COL24A1: variants seen among roughly 807,000 people sequenced by gnomAD.
COL24A1 encodes collagen type XXIV alpha 1 chain.
A neutral mutation model predicts 253.9 loss-of-function variants in COL24A1; 224 were observed. The observed-to-expected ratio is 0.88, with a 90% CI of 0.79 to 0.99. The LOEUF (loss-of-function observed/expected upper bound fraction) is 0.99. COL24A1 is among the 50% of genes least tolerant of loss of function. The pLI, the probability that COL24A1 is intolerant of heterozygous loss-of-function variation, is 0.00. For missense variants in COL24A1, 2,131 were observed against 2,068.5 expected (o/e 1.03, Z -0.59); for synonymous variants, 685 against 673.7 (o/e 1.02, Z -0.26).
At chr1:85,735,275 G>A (rs1199456043) in intron 58 of COL24A1, among the ~76,000 whole-genome samples, 1 of 152,176 alleles carries the variant, frequency 6.6e-6, no homozygotes, top group Non-Finnish European at 1.5e-5. Context: ...TTAACAAGTG[G>A]CTTTCCTGAG....
intron 23 of COL24A1, 128 bp from the exon 24 acceptor site, chr1:85,961,421 G>T: frequency 1.4e-6 from 1 of 727,810 alleles, no homozygotes; most frequent in Non-Finnish European, 2.3e-6. Context: ...GGAAATTTCA[G>T]TTACTTAAAA....
At chr1:85,865,874 C>G (rs1400428834) in intron 37 of COL24A1, among the ~76,000 whole-genome samples, 1 of 151,902 alleles carries the variant, frequency 6.6e-6, no homozygotes, top group Non-Finnish European at 1.5e-5. Flanking sequence ...GATGAGTCCT[C>G]TAACAAAGAT....
chr1:85,787,107 G>A (rs1415084854), intron 47 of COL24A1, among the ~76,000 whole-genome samples: 1 of 151,538 alleles, frequency 6.6e-6, no homozygotes, highest in East Asian at 1.9e-4. Context: ...TATGTATTAA[G>A]TTTTACTGGA....
chr1:85,738,205 C>T (rs1664256427), intron 57 of COL24A1, among the ~76,000 whole-genome samples: 1 of 152,102 alleles, frequency 6.6e-6, no homozygotes, highest in African/African-American at 2.4e-5. Flanking sequence ...TTCTGTTATA[C>T]ATCATTACAG....
intron 20 of COL24A1, among the ~76,000 whole-genome samples, chr1:85,986,499 A>G (rs996717142): frequency 3.9e-5 from 6 of 151,970 alleles, no homozygotes; most frequent in African/African-American, 1.2e-4. Context: ...TGAATGCTCT[A>G]CGTAATTTAC....
Position 85,970,201 on chromosome 1 carries a change from T to C in COL24A1, c.2463+26A>G, listed in dbSNP as rs372157599. On this transcript the variant is annotated intron_variant, in intron 22 of 59. Coordinates refer to ENST00000370571, the MANE Select transcript of COL24A1 (RefSeq NM_152890.7). ...CAGCTATTTTCAAGAAAAGCACTTA[T>C]GGAAAATTATTTATATGATACCTAC... The C allele has an allele frequency of 6.6e-5, 102 of 1,552,772 alleles. No individual in the cohort carries two copies. The African/African-American group carries it at 9.7e-4, about 15-fold the overall frequency.
At chr1:85,950,735 T>C (rs1689813072) in intron 24 of COL24A1, among the ~76,000 whole-genome samples, 1 of 152,168 alleles carries the variant, frequency 6.6e-6, no homozygotes, top group Non-Finnish European at 1.5e-5. Context: ...AAAAGACATA[T>C]TCAAATAAAA....
intron 2 of COL24A1, among the ~76,000 whole-genome samples, chr1:86,129,837 G>A (rs917210593): frequency 5.3e-5 from 8 of 151,810 alleles, no homozygotes; most frequent in Middle Eastern, 3.4e-3. Context: ...ATAAGCACTC[G>A]GAAAGGTGTT....
At position 86,006,755 on chromosome 1, in the gene COL24A1, T is replaced by G. The variant is rs144680195; in HGVS notation, c.2310+10396A>C. Reference sequence around the variant, plus strand: ...AAAGGCACATCTGATAAAGAACTGTTACCCCAAATATACAAAGAACTCTGA... The same window carrying G: ...AAAGGCACATCTGATAAAGAACTGTGACCCCAAATATACAAAGAACTCTGA... On this transcript the variant is annotated intron_variant, in intron 19 of 59. Transcript: ENST00000370571. Among the ~76,000 whole-genome samples the G allele has an allele frequency of 5.0e-3, 754 of 151,960 alleles. 3 individuals are homozygous for G. The highest frequency in any genetic ancestry group is 0.02 in the Middle Eastern group (6 of 294).
In COL24A1 at chr1:85,767,910, CT is replaced by C. The variant is rs779411410; in HGVS notation, c.4375-6345del. 4.3e-4 allele frequency among the ~76,000 whole-genome samples: 65 copies of C among 152,284 alleles called. 1 individual carries two copies. Among genetic ancestry groups the C allele is most frequent in the Middle Eastern group, 6.8e-3 (2 of 294 alleles). On this transcript the variant is annotated intron_variant, in intron 53 of 59. Coordinates refer to ENST00000370571, the MANE Select transcript of COL24A1 (RefSeq NM_152890.7). ...TACATGGCAAGTTCTGTTCTAGACA[CT>C]GATAACCTGTGTACCACACAAAGTT...
At chr1:85,819,189 G>A (rs1474570222) in intron 45 of COL24A1, among the ~76,000 whole-genome samples, 1 of 152,126 alleles carries the variant, frequency 6.6e-6, no homozygotes, top group African/African-American at 2.4e-5. Flanking sequence ...AAATGGGATA[G>A]TTAGTGACCT....
At chr1:86,015,612 T>C (rs893744762) in intron 19 of COL24A1, among the ~76,000 whole-genome samples, 3 of 152,146 alleles carry the variant, frequency 2.0e-5, no homozygotes, top group East Asian at 3.9e-4. Flanking sequence ...GTCATAATAA[T>C]AACCTTTAAA....
At chr1:85,760,165 C>A (rs555386807) in intron 55 of COL24A1, among the ~76,000 whole-genome samples, 1 of 151,946 alleles carries the variant, frequency 6.6e-6, no homozygotes, top group Admixed American at 6.5e-5. Context: ...CTCTGCCTCC[C>A]GGGCTCAGGT....
chr1:85,754,537 TA>T (rs35579049), intron 55 of COL24A1, among the ~76,000 whole-genome samples: 138 of 91,428 alleles, frequency 1.5e-3, no homozygotes, highest in East Asian at 9.1e-3. Context: ...TAGAGTATAA[TA>T]AAAAAAAAAA....
At chr1:85,907,399 T>C in intron 27 of COL24A1, 152 bp from the exon 28 acceptor site, 1 of 608,200 alleles carries the variant, frequency 1.6e-6, no homozygotes, top group Non-Finnish European at 2.8e-6. Flanking sequence ...CACACTGCCC[T>C]CTACCAATAT....
At chr1:85,903,154 G>C (rs2102862961) in intron 28 of COL24A1, among the ~76,000 whole-genome samples, 1 of 152,242 alleles carries the variant, frequency 6.6e-6, no homozygotes, top group South Asian at 2.1e-4. Flanking sequence ...AGAAAGAGAA[G>C]TTCTGTGCCC....
At chr1:86,085,636 T>G (rs1703005121) in intron 7 of COL24A1, among the ~76,000 whole-genome samples, 1 of 152,162 alleles carries the variant, frequency 6.6e-6, no homozygotes, top group South Asian at 2.1e-4. Context: ...AAACGCAGAA[T>G]TAGGACTCTT....
intron 24 of COL24A1, among the ~76,000 whole-genome samples, chr1:85,957,517 G>T (rs2100642209): frequency 6.6e-6 from 1 of 152,134 alleles, no homozygotes; most frequent in East Asian, 1.9e-4. Context: ...TGTGCTTCCA[G>T]AATATTCCTG....
chr1:85,761,562 G>A lies in COL24A1; in HGVS notation c.4379C>T (p.Pro1460Leu). 3 of 1,614,020 alleles carry A rather than the reference G, an allele frequency of 1.9e-6. No individual in the cohort carries two copies. In the Admixed American group the frequency reaches 5.0e-5, roughly 27 times the overall value. ...GEKGFRGETGPQGPRGQPGPP... is the reference protein window; with the variant it reads ...GEKGFRGETGLQGPRGQPGPP... ...CCCTGGTTGACCTCTTGGTCCTTGA[G>A]GACCCTGGAAGAAATGGAGACAAAC... is the stretch of plus-strand genomic sequence containing the variant. Residue 1460 changes from proline to leucine, a missense_variant, in exon 54 of 60, where the codon CCT becomes CTT. Pro to Leu is a moderately conservative substitution (Grantham distance 98). Transcript: ENST00000370571.
Sources: gnomAD v4.1 joint callset for allele counts (sites outside exome capture counted in the v4.1 genomes callset) on GRCh38, gnomAD v4.1.1 for gene constraint, MANE v1.5 for transcripts, NCBI Gene and HGNC (gene_info 2026-07-23, HGNC 2026-07-21) for gene names.